The following PLEKHA5 variants were observed in gnomAD, a reference collection of about 807,000 sequenced individuals.
The protein encoded by PLEKHA5 is pleckstrin homology domain containing A5, also known as pleckstrin homology domain-containing family A member 5.
In PLEKHA5, 55 loss-of-function variants were observed where a neutral mutation model predicts 181.9. The ratio of observed to expected loss-of-function variants is 0.30; its 90% CI spans 0.24 to 0.38. The LOEUF (loss-of-function observed/expected upper bound fraction) is 0.38. Among genes scored for constraint, PLEKHA5 ranks in the 10% least tolerant of loss-of-function variants. PLEKHA5 has a pLI of 1.00. For synonymous variants in PLEKHA5, 535 were observed against 529.4 expected (o/e 1.01, Z -0.15); for missense variants, 1,432 against 1,549.5 (o/e 0.92, Z 1.27).
At chr12:19,143,609 T>C (rs972216576) in intron 3 of PLEKHA5, among the ~76,000 whole-genome samples, 8 of 152,152 alleles carry the variant, frequency 5.3e-5, no homozygotes, top group African/African-American at 1.9e-4. Context: ...GCATGTATTA[T>C]ATGTAATTAT....
At chr12:19,229,515 T>G (rs1159683095) in intron 3 of PLEKHA5, among the ~76,000 whole-genome samples, 4 of 151,872 alleles carry the variant, frequency 2.6e-5, no homozygotes, top group Non-Finnish European at 5.9e-5. Context: ...GTTCCTCCTG[T>G]CTAGAGTTGT....
intron 10 of PLEKHA5, among the ~76,000 whole-genome samples, chr12:19,271,765 C>T (rs1262726041): frequency 1.3e-5 from 2 of 152,096 alleles, no homozygotes; most frequent in African/African-American, 4.8e-5. Flanking sequence ...CCTGATAGTT[C>T]ACTAGTTAGG....
chr12:19,148,554 C>T (rs2039542122), intron 3 of PLEKHA5, among the ~76,000 whole-genome samples: 1 of 152,138 alleles, frequency 6.6e-6, no homozygotes, highest in Admixed American at 6.5e-5. Context: ...TCAGGACAAC[C>T]CCACAGAGTA....
chr12:19,144,370 T>C lies in PLEKHA5; in HGVS notation c.227+11920T>C, dbSNP rs538829017. ...CATGAGTCTGGAACAAACACCAGCGTCTCTCCTCGTGGCCTCTCATCAGTT... is the reference window on the plus strand; with the variant it reads ...CATGAGTCTGGAACAAACACCAGCGCCTCTCCTCGTGGCCTCTCATCAGTT... On this transcript the variant is annotated intron_variant, in intron 3 of 31. Coordinates refer to ENST00000429027, the MANE Select transcript of PLEKHA5 (RefSeq NM_001256470.2). 3.9e-5 allele frequency among the ~76,000 whole-genome samples: 6 copies of C among 152,326 alleles called. No individual in the cohort carries two copies. The East Asian group carries it at 1.2e-3, about 29-fold the overall frequency.
At chr12:19,190,506 A>C (rs1198165428) in intron 3 of PLEKHA5, among the ~76,000 whole-genome samples, 1 of 152,230 alleles carries the variant, frequency 6.6e-6, no homozygotes, top group Non-Finnish European at 1.5e-5. Flanking sequence ...AGAGCTTTAC[A>C]TGCTGCGCAT....
At position 19,239,269 on chromosome 12, in the gene PLEKHA5, G is replaced by A. The variant is rs192846198; in HGVS notation, c.228-14671G>A. On this transcript the variant is annotated intron_variant, in intron 3 of 31. Coordinates refer to ENST00000429027, the MANE Select transcript of PLEKHA5 (RefSeq NM_001256470.2). Reference sequence around the variant, plus strand: ...CTAGCCTGTTGATAGCATGCCCTGCGTTGTACTCTGCTGGAAGGAAATGTG... The same window carrying A: ...CTAGCCTGTTGATAGCATGCCCTGCATTGTACTCTGCTGGAAGGAAATGTG... Among the ~76,000 whole-genome samples, 5 of 152,244 alleles carry A rather than the reference G, an allele frequency of 3.3e-5. No individual in the cohort carries two copies. In the East Asian group the frequency reaches 7.7e-4, roughly 24 times the overall value.
rs760203249 is a variant in PLEKHA5, at chr12:19,366,069, A to G, written c.3714A>G (p.Glu1238=). Residue 1238 remains glutamate (E), a synonymous_variant, in exon 30 of 32, where the codon GAA becomes GAG. Transcript: ENST00000429027. ...AGGAAGAAACTGTTATTTCTTACGA[A>G]TCAACTCCTGAGGTTTCTAGAGGAA... ...DEQEETVISY[E]STPEVSRGNQ... 6 of 1,612,218 alleles carry G rather than the reference A, an allele frequency of 3.7e-6. No homozygotes were observed. The highest frequency in any genetic ancestry group is 2.7e-5 in the African/African-American group (2 of 74,862).
intron 3 of PLEKHA5, among the ~76,000 whole-genome samples, chr12:19,137,916 C>T (rs1203112890): frequency 2.0e-5 from 3 of 152,150 alleles, no homozygotes; most frequent in Non-Finnish European, 4.4e-5. Flanking sequence ...AGAATAGTCC[C>T]CACAACTCAA....
chr12:19,138,059 A>G (rs2036182618), intron 3 of PLEKHA5, among the ~76,000 whole-genome samples: 1 of 152,186 alleles, frequency 6.6e-6, no homozygotes, highest in South Asian at 2.1e-4. Flanking sequence ...TGGTCAATAC[A>G]AAAACACAAA....
intron 27 of PLEKHA5, among the ~76,000 whole-genome samples, chr12:19,359,162 T>C (rs1395908672): frequency 6.6e-6 from 1 of 152,202 alleles, no homozygotes; most frequent in Non-Finnish European, 1.5e-5. Flanking sequence ...TAATGGAGAC[T>C]AAACAAAGCA....
chr12:19,136,948 C>T (rs1343566557), intron 3 of PLEKHA5, among the ~76,000 whole-genome samples: 1 of 151,668 alleles, frequency 6.6e-6, no homozygotes, highest in Non-Finnish European at 1.5e-5. Flanking sequence ...TTTCACAATT[C>T]AAAATATGAA....
chr12:19,161,708 G>A (rs955126207), intron 3 of PLEKHA5, among the ~76,000 whole-genome samples: 1 of 152,192 alleles, frequency 6.6e-6, no homozygotes, highest in African/African-American at 2.4e-5. Flanking sequence ...TCTAAAGTGT[G>A]TTGGCCATTC....
chr12:19,145,823 G>A (rs574216103), intron 3 of PLEKHA5, among the ~76,000 whole-genome samples: 24 of 152,184 alleles, frequency 1.6e-4, no homozygotes, highest in Admixed American at 6.5e-4. Context: ...GGCTGTATTC[G>A]TAGTTGAGCT....
At chr12:19,355,786 T>C (rs2094894263) in intron 26 of PLEKHA5, among the ~76,000 whole-genome samples, 1 of 152,098 alleles carries the variant, frequency 6.6e-6, no homozygotes, top group South Asian at 2.1e-4. Context: ...AGGCATTTTT[T>C]ACAGATTGGA....
At position 19,168,247 on chromosome 12, in the gene PLEKHA5, G is replaced by A. The variant is rs572175488; in HGVS notation, c.227+35797G>A. ...GCCATTTTGCTGTATTTCTTTTGAG[G>A]TATTCTCTTTGGTGGACTTTACAGT... On this transcript the variant is annotated intron_variant, in intron 3 of 31. Transcript: ENST00000429027. Among the ~76,000 whole-genome samples the A allele has an allele frequency of 4.6e-5, 7 of 152,228 alleles. No homozygotes were observed. In the South Asian group the frequency reaches 1.5e-3, roughly 32 times the overall value.
intron 3 of PLEKHA5, chr12:19,154,245 C>G (rs1037457745): frequency 6.6e-6 from 1 of 151,778 alleles, no homozygotes; most frequent in East Asian, 1.9e-4. Context: ...TCTGTTTATC[C>G]GTATATTTGG....
chr12:19,239,540 A>G (rs374304127), intron 3 of PLEKHA5, among the ~76,000 whole-genome samples: 3 of 152,236 alleles, frequency 2.0e-5, no homozygotes, highest in African/African-American at 7.2e-5. Flanking sequence ...TGTGCATCAC[A>G]TAAAGTGCAT....
At chr12:19,197,352 A>AT (rs1432588826) in intron 3 of PLEKHA5, among the ~76,000 whole-genome samples, 14 of 152,186 alleles carry the variant, frequency 9.2e-5, no homozygotes, top group African/African-American at 3.1e-4. Context: ...GGAAAATGTT[A>AT]TGTATTCCTG....
At chr12:19,330,477 C>A (rs1207171506) in intron 20 of PLEKHA5, among the ~76,000 whole-genome samples, 1 of 151,792 alleles carries the variant, frequency 6.6e-6, no homozygotes, top group Non-Finnish European at 1.5e-5. Flanking sequence ...TAAAAAAAGC[C>A]AGTGTAGTCA....
Sources: allele counts gnomAD v4.1 joint callset (sites outside exome capture counted in the v4.1 genomes callset), GRCh38; gene constraint gnomAD v4.1.1; transcripts MANE v1.5; gene names NCBI Gene and HGNC (gene_info 2026-07-23, HGNC 2026-07-21).